GALNT17: variants seen among roughly 807,000 people sequenced by gnomAD.
GALNT17 encodes polypeptide N-acetylgalactosaminyltransferase 17.
A neutral mutation model predicts 63.7 loss-of-function variants in GALNT17; 29 were observed. The observed-to-expected ratio is 0.46, with a 90% CI of 0.34 to 0.62. GALNT17 has a LOEUF of 0.62. Ranked by LOEUF, GALNT17 falls within the 20% of genes least tolerant of loss-of-function variation. The probability of loss-of-function intolerance (pLI) is 0.01; values close to 1 mark genes in which losing one functional copy is unlikely to be tolerated. For missense variants in GALNT17, 603 were observed against 799.6 expected, an observed-to-expected ratio of 0.75 and a Z score of 2.97; for synonymous variants, 305 against 318.3, an observed-to-expected ratio of 0.96 and a Z score of 0.45.
chr7:71,501,334 G>A (rs1788177533), intron 5 of GALNT17, among the ~76,000 whole-genome samples: 1 of 151,130 alleles, frequency 6.6e-6, no homozygotes, highest in Non-Finnish European at 1.5e-5. Flanking sequence ...CTGTGACCAT[G>A]GCTCACTGCA....
At chr7:71,639,652 G>A (rs1020291646) in intron 6 of GALNT17, among the ~76,000 whole-genome samples, 2 of 152,172 alleles carry the variant, frequency 1.3e-5, no homozygotes, top group Admixed American at 6.5e-5. Context: ...GCACACAACC[G>A]AAAGCAGCAA....
At chr7:71,305,623 G>A (rs1405420722) in intron 1 of GALNT17, among the ~76,000 whole-genome samples, 2 of 152,122 alleles carry the variant, frequency 1.3e-5, no homozygotes, top group East Asian at 1.9e-4. Context: ...TTATGACAAC[G>A]GTGAGGGGAC....
At chr7:71,684,022 A>C (rs1330127690) in intron 9 of GALNT17, among the ~76,000 whole-genome samples, 2 of 151,632 alleles carry the variant, frequency 1.3e-5, no homozygotes, top group Admixed American at 6.6e-5. Context: ...AAAAAAAAAA[A>C]AAAACAAAAG....
intron 6 of GALNT17, among the ~76,000 whole-genome samples, chr7:71,626,316 C>T (rs1212612130): frequency 6.6e-6 from 1 of 152,074 alleles, no homozygotes; most frequent in East Asian, 1.9e-4. Flanking sequence ...AAATGGCTGC[C>T]TCTAAGCCAA....
chr7:71,604,094 A>C (rs1295279907), intron 6 of GALNT17, among the ~76,000 whole-genome samples: 1 of 152,164 alleles, frequency 6.6e-6, no homozygotes, highest in Non-Finnish European at 1.5e-5. Flanking sequence ...TCCTATGCTA[A>C]GTGCATACAG....
At chr7:71,310,240 T>C (rs1428449808) in intron 1 of GALNT17, among the ~76,000 whole-genome samples, 8 of 152,332 alleles carry the variant, frequency 5.3e-5, no homozygotes, top group Admixed American at 2.0e-4. Flanking sequence ...TGGTTCACGA[T>C]GTCTCCAGGA....
intron 5 of GALNT17, among the ~76,000 whole-genome samples, chr7:71,473,447 G>T (rs1246277858): frequency 1.3e-5 from 2 of 152,076 alleles, no homozygotes; most frequent in Non-Finnish European, 2.9e-5. Context: ...ATATATTTTG[G>T]GGTAAAACAT....
intron 5 of GALNT17, among the ~76,000 whole-genome samples, chr7:71,551,590 C>T (rs541423337): frequency 2.0e-5 from 3 of 151,920 alleles, no homozygotes; most frequent in Non-Finnish European, 4.4e-5. Context: ...TAGTGAAATA[C>T]TGTCTCTTAA....
At chr7:71,260,773 A>AT (rs1790371682) in intron 1 of GALNT17, among the ~76,000 whole-genome samples, 1 of 151,344 alleles carries the variant, frequency 6.6e-6, no homozygotes, top group Non-Finnish European at 1.5e-5. Context: ...TTTTATTTTT[A>AT]TTTTTATTTT....
chr7:71,328,472 G>A (rs926266810), intron 1 of GALNT17, among the ~76,000 whole-genome samples: 1 of 151,996 alleles, frequency 6.6e-6, no homozygotes, highest in South Asian at 2.1e-4. Flanking sequence ...CTGAGCAAGG[G>A]GCACTTGCAG....
At chr7:71,690,951 T>A (rs1207940315) in intron 9 of GALNT17, among the ~76,000 whole-genome samples, 3 of 152,304 alleles carry the variant, frequency 2.0e-5, no homozygotes, top group East Asian at 1.9e-4. Context: ...ATTGTTGAAA[T>A]GACACAAGAG....
intron 5 of GALNT17, among the ~76,000 whole-genome samples, chr7:71,448,296 C>T (rs76024868): frequency 0.019 from 2,857 of 152,120 alleles, 40 homozygotes; most frequent in African/African-American, 0.029. Flanking sequence ...ATTGCACTGG[C>T]ACTCAATAGA....
intron 7 of GALNT17, 21 bp downstream of exon 7, chr7:71,665,617 C>T (rs369092014): frequency 1.0e-4 from 164 of 1,609,534 alleles, no homozygotes; most frequent in Non-Finnish European, 2.8e-5. Context: ...CCAGCCTTTC[C>T]CCACCACCCC....
intron 1 of GALNT17, among the ~76,000 whole-genome samples, chr7:71,255,106 A>G (rs1325894672): frequency 6.6e-6 from 1 of 152,308 alleles, no homozygotes; most frequent in East Asian, 1.9e-4. Flanking sequence ...TCCATTCAAC[A>G]AAATATTCAA....
At chr7:71,627,773 G>A (rs1280701046) in intron 6 of GALNT17, among the ~76,000 whole-genome samples, 2 of 152,090 alleles carry the variant, frequency 1.3e-5, no homozygotes, top group Non-Finnish European at 2.9e-5. Context: ...GCAACGCTCC[G>A]ACTCAGCTAT....
intron 1 of GALNT17, among the ~76,000 whole-genome samples, chr7:71,230,492 C>G (rs888718233): frequency 1.3e-5 from 2 of 152,062 alleles, no homozygotes; most frequent in Admixed American, 6.6e-5. Context: ...ACACCCCCTC[C>G]CCTGCCACCA....
rs75966697 is a variant in GALNT17, at chr7:71,229,086, T to A, written c.238+96046T>A. 9.7e-3 allele frequency among the ~76,000 whole-genome samples: 1,484 copies of A among 152,338 alleles called. 22 individuals are homozygous for A. Among genetic ancestry groups the A allele is most frequent in the African/African-American group, 0.034 (1,416 of 41,596 alleles). On this transcript the variant is annotated intron_variant, in intron 1 of 10. Coordinates refer to ENST00000333538, the MANE Select transcript of GALNT17 (RefSeq NM_022479.3). ...TGCTTCCTTCACCGACAGAGCAGTA[T>A]GCGGAAAGAGTCCTCCTGCCTTTTC...
At chr7:71,427,807 G>A (rs187754114) in intron 5 of GALNT17, among the ~76,000 whole-genome samples, 106 of 151,870 alleles carry the variant, frequency 7.0e-4, no homozygotes, top group African/African-American at 1.3e-3. Flanking sequence ...TCCTGAGCTC[G>A]GCTTCTCATC....
intron 1 of GALNT17, among the ~76,000 whole-genome samples, chr7:71,288,306 C>T (rs1436592744): frequency 6.6e-6 from 1 of 151,666 alleles, no homozygotes; most frequent in African/African-American, 2.4e-5. Flanking sequence ...GGTCTTCATC[C>T]TCATCGTATT....
Sources: gnomAD v4.1 joint callset for allele counts (sites outside exome capture counted in the v4.1 genomes callset) on GRCh38, gnomAD v4.1.1 for gene constraint, MANE v1.5 for transcripts, NCBI Gene and HGNC (gene_info 2026-07-23, HGNC 2026-07-21) for gene names.